MZF1: variants seen among roughly 807,000 people sequenced by gnomAD.
The protein encoded by MZF1 is zinc finger and SCAN domain-containing protein 6.
In MZF1, 24 loss-of-function variants were observed where a neutral mutation model predicts 28.6. That is an observed-to-expected ratio of 0.84 (90% CI 0.61 to 1.18). The LOEUF is 1.18. Ranked by LOEUF, MZF1 falls within the 50% of genes most tolerant of loss-of-function variation. The pLI, the probability that MZF1 is intolerant of heterozygous loss-of-function variation, is 0.00. For missense variants in MZF1, 1,166 were observed against 1,026.4 expected, an observed-to-expected ratio of 1.14 and a Z score of -1.86; for synonymous variants, 516 against 432.5, an observed-to-expected ratio of 1.19 and a Z score of -2.40.
intron 3 of MZF1, 125 bp from the exon 4 acceptor site, chr19:58,569,711 G>A (rs770114512): frequency 1.5e-4 from 117 of 791,538 alleles, no homozygotes; most frequent in Non-Finnish European, 2.1e-4. Context: ...GGTTGGGGAG[G>A]GCAGTGCAGG....
chr19:58,562,645 G>C lies in MZF1; in HGVS notation c.1632C>G (p.Ala544=). The C allele has an allele frequency of 5.8e-6, 9 of 1,544,508 alleles. No homozygotes were observed. Among genetic ancestry groups the C allele is most frequent in the South Asian group, 2.3e-5 (2 of 85,416 alleles). Residue 544 remains alanine (A), a synonymous_variant, in exon 6 of 6, where the codon GCC becomes GCG. Transcript: ENST00000215057. ...VHSGERPFAC[A]ECGQSFRQRS... ...GCTGCCGGAAGCTCTGGCCGCACTC[G>C]GCACAGGCGAAGGGCCGCTCGCCAC...
Position 58,563,062 on chromosome 19 carries a change from C to G in MZF1, c.1215G>C (p.Thr405=), listed in dbSNP as rs2228162. ...RSSHLLRHQL[T]HTEERPFVCG... ...ACACGAACGGCCGCTCCTCGGTGTG[C>G]GTAAGCTGGTGGCGCAGCAGGTGCG... Residue 405 remains threonine, a synonymous_variant, in exon 6 of 6, where the codon ACG becomes ACC. Transcript: ENST00000215057. 6.2e-7 allele frequency: 1 copy of G among 1,602,686 alleles called. No individual in the cohort carries two copies. Among genetic ancestry groups the G allele is most frequent in the African/African-American group, 1.3e-5 (1 of 74,840 alleles).
chr19:58,563,399 T>A lies in MZF1; in HGVS notation c.878A>T (p.Gln293Leu). 1 of 1,598,990 alleles carries A rather than the reference T, an allele frequency of 6.3e-7. No homozygotes were observed. The highest frequency in any genetic ancestry group is 8.5e-7 in the Non-Finnish European group (1 of 1,172,838). The change falls in exon 6 of 6, where the codon CAA (glutamine) becomes CTA (leucine). Residue 293 changes from glutamine to leucine, a missense_variant. Transcript: ENST00000215057. ...LGMAGLSGQI[Q>L]SPSREGGFAH... ...AAAGCCACCTTCGCGGGAGGGTGAT[T>A]GGATCTGGCCAGAAAGGCCAGCCAT...
rs1314339663 is a variant in MZF1, at chr19:58,563,013, C to G, written c.1264G>C (p.Val422Leu). The G allele has an allele frequency of 1.2e-6, 2 of 1,601,766 alleles. No individual in the cohort carries two copies. The highest frequency in any genetic ancestry group is 1.1e-5 in the South Asian group (1 of 91,028). ...FVCGDCGQGF[V>L]RSARLEEHRR... ...TGCTCTTCCAGGCGCGCGCTGCGCA[C>G]GAAGCCCTGGCCACAGTCGCCGCAC... The change falls in exon 6 of 6, where the codon GTG becomes CTG. Residue 422 changes from valine to leucine, a missense_variant. Val to Leu is a conservative substitution (Grantham distance 32). Transcript: ENST00000215057.
rs1385418926 is a variant in MZF1 at position 58,563,055 on chromosome 19, C to T, written c.1222G>A (p.Glu408Lys). 2 of 1,602,988 alleles carry T rather than the reference C, an allele frequency of 1.2e-6. No individual in the cohort carries two copies. The highest frequency in any genetic ancestry group is 1.7e-6 in the Non-Finnish European group (2 of 1,179,560). ...HLLRHQLTHT[E>K]ERPFVCGDCG... ...TCGCCGCACACGAACGGCCGCTCCT[C>T]GGTGTGCGTAAGCTGGTGGCGCAGC... Residue 408 changes from glutamate to lysine, a missense_variant, in exon 6 of 6, where the codon GAG becomes AAG. Physicochemically the swap from Glu to Lys is moderately conservative, Grantham distance 56. Transcript: ENST00000215057.
chr19:58,569,572 C>G lies in MZF1; in HGVS notation c.595G>C (p.Gly199Arg). The G allele has an allele frequency of 6.2e-7, 1 of 1,604,508 alleles. No homozygotes were observed. The highest frequency in any genetic ancestry group is 8.5e-7 in the Non-Finnish European group (1 of 1,174,258). The change falls in exon 4 of 6, where the codon GGG (glycine) becomes CGG (arginine). Residue 199 changes from glycine (G) to arginine (R), a missense_variant. By Grantham distance (125) the Gly-to-Arg change is moderately radical. Transcript: ENST00000215057. ...VTEDSDFLES[G>R]PLAATQESVP... ...GACTCCTGGGTGGCAGCTAGAGGCC[C>G]AGACTCCAGGAAATCTAGAGAGGAA...
At chr19:58,564,905 T>TTTTTTTTTG (rs1568680363) in intron 5 of MZF1, among the ~76,000 whole-genome samples, 1 of 66,742 alleles carries the variant, frequency 1.5e-5, no homozygotes, top group Non-Finnish European at 2.8e-5. Context: ...TGTGTGTGTT[T>TTTTTTTTTG]TTTTTTTTTT....
Position 58,569,543 on chromosome 19 carries a change from T to C in MZF1, c.624A>G (p.Val208=), listed in dbSNP as rs2054118617. The C allele has an allele frequency of 2.5e-6, 4 of 1,610,080 alleles. No individual in the cohort carries two copies. In the Admixed American group the frequency reaches 5.0e-5, roughly 20 times the overall value. ...SGPLAATQES[V]PTLLPEEAQR... ...GGGCCTCCTCAGGCAGGAGGGTGGG[T>C]ACAGACTCCTGGGTGGCAGCTAGAG... The change falls in exon 4 of 6, where the codon GTA becomes GTG. Residue 208 remains valine, a synonymous_variant. Transcript: ENST00000215057.
In MZF1 at chr19:58,563,106, G is replaced by T; in HGVS notation, c.1171C>A (p.Arg391Ser). 1 of 1,605,882 alleles carries T rather than the reference G, an allele frequency of 6.2e-7. No individual in the cohort carries two copies. The highest frequency in any genetic ancestry group is 2.2e-5 in the East Asian group (1 of 44,826). ...AGGTGCGAGCTGCGGCTGAAGCTGC[G>T]GCCGCACTCGCTGCACACGAATGGT... ...ERPFVCSECG[R>S]SFSRSSHLLR... Residue 391 changes from arginine (R) to serine (S), a missense_variant, in exon 6 of 6, where the codon CGC becomes AGC. Coordinates refer to ENST00000215057, the MANE Select transcript of MZF1 (RefSeq NM_198055.2).
chr19:58,564,147 G>A (rs1471280115), intron 5 of MZF1: 1 of 152,344 alleles, frequency 6.6e-6, no homozygotes, highest in Non-Finnish European at 1.5e-5. Flanking sequence ...AACTCCAACT[G>A]AGAATCAGGG....
intron 5 of MZF1, among the ~76,000 whole-genome samples, chr19:58,567,284 C>A (rs1277968717): frequency 6.6e-6 from 1 of 152,218 alleles, no homozygotes; most frequent in Non-Finnish European, 1.5e-5. Flanking sequence ...GGGCACCAGC[C>A]AGGCTGGAGA....
At chr19:58,570,935 G>A (rs938445744) in intron 2 of MZF1, 59 bp downstream of exon 2, 42 of 1,522,960 alleles carry the variant, frequency 2.8e-5, no homozygotes, top group Non-Finnish European at 3.6e-5. Flanking sequence ...TGCTGCCCAG[G>A]GTGAGGCCGA....
chr19:58,573,169 C>T lies in MZF1; in HGVS notation c.-155G>A, dbSNP rs1467662079. Reference sequence around the variant, plus strand: ...GCGCACCAGCTCGAGCGCCTCCTTGCCCTTCCCCCACCCTCGTCCCCGTTT... The same window carrying T: ...GCGCACCAGCTCGAGCGCCTCCTTGTCCTTCCCCCACCCTCGTCCCCGTTT... On this transcript the variant is annotated 5_prime_UTR_variant, in exon 1 of 6. Coordinates refer to ENST00000215057, the MANE Select transcript of MZF1 (RefSeq NM_198055.2). 1 of 153,776 alleles carries T rather than the reference C, an allele frequency of 6.5e-6. No individual in the cohort carries two copies. The highest frequency in any genetic ancestry group is 1.5e-5 in the Non-Finnish European group (1 of 68,538). 9.5% of individuals were successfully genotyped at this position (153,776 alleles called of 1,614,324 possible). A position where few individuals can be genotyped will look rare whatever the true frequency, so the allele number is the denominator to read the frequency against.
Position 58,562,356 on chromosome 19 carries a change from T to G in MZF1, c.1921A>C (p.Thr641Pro). The change falls in exon 6 of 6, where the codon ACC becomes CCC. Residue 641 changes from threonine to proline, a missense_variant. Coordinates refer to ENST00000215057, the MANE Select transcript of MZF1 (RefSeq NM_198055.2). ...GLGFTQVSRL[T>P]EHQRIHTGER... ...CCCGTGTGGATGCGCTGGTGCTCGG[T>G]GAGCCGCGAGACCTGCGTGAAGCCC... 1 of 1,599,674 alleles carries G rather than the reference T, an allele frequency of 6.3e-7. No homozygotes were observed. Among genetic ancestry groups the G allele is most frequent in the Non-Finnish European group, 8.5e-7 (1 of 1,174,816 alleles).
chr19:58,563,678 GATA>G (rs1187167411), intron 5 of MZF1, 174 bp from the exon 6 acceptor site: 2 of 571,012 alleles, frequency 3.5e-6, no homozygotes, highest in African/African-American at 3.8e-5. Context: ...CTGATGAGGT[GATA>G]ATGAGACAGA....
chr19:58,562,239 G>C lies in MZF1; in HGVS notation c.2038C>G (p.Pro680Ala). The change falls in exon 6 of 6, where the codon CCC becomes GCC. Residue 680 changes from proline (P) to alanine (A), a missense_variant. Physicochemically the swap from Pro to Ala is conservative, Grantham distance 27. Transcript: ENST00000215057. ...TTGCCACACTCAGGGCATGCGTAGG[G>C]CCGTTCACCCGTGTGGATGCGCCGG... The part of the protein sequence containing the change: ...QHRRIHTGER[P>A]YACPECGKAF... 1 of 1,605,398 alleles carries C rather than the reference G, an allele frequency of 6.2e-7. No individual in the cohort carries two copies. The highest frequency in any genetic ancestry group is 8.5e-7 in the Non-Finnish European group (1 of 1,177,238).
At chr19:58,565,020 A>C (rs1385061725) in intron 5 of MZF1, among the ~76,000 whole-genome samples, 1 of 143,358 alleles carries the variant, frequency 7.0e-6, no homozygotes, top group East Asian at 2.1e-4. Flanking sequence ...TCCCGGGTTC[A>C]AGCGATTCTG....
chr19:58,568,163 T>G (rs775311253), intron 5 of MZF1: 9 of 152,194 alleles, frequency 5.9e-5, no homozygotes, highest in Non-Finnish European at 1.3e-4. Context: ...GAGGATCACT[T>G]GAGCCCAGGA....
At chr19:58,564,902 GTTTTTTTTTTTTTTTT>G (rs71190056) in intron 5 of MZF1, among the ~76,000 whole-genome samples, 263 of 41,968 alleles carry the variant, frequency 6.3e-3, no homozygotes, top group Non-Finnish European at 7.4e-3. Flanking sequence ...CCATGTGTGT[GTTTTTTTTTTTTTTTT>G]TTTTTTTTTT....
Sources: allele counts gnomAD v4.1 joint callset (sites outside exome capture counted in the v4.1 genomes callset), GRCh38; gene constraint gnomAD v4.1.1; transcripts MANE v1.5; gene names NCBI Gene and HGNC (gene_info 2026-07-23, HGNC 2026-07-21).